Variants in DPYD observed in about 807,000 individuals in gnomAD.
DPYD encodes the protein dihydropyrimidine dehydrogenase [NADP(+)].
A neutral mutation model predicts 116.2 loss-of-function variants in DPYD; 109 were observed. The ratio of observed to expected loss-of-function variants is 0.94; its 90% CI spans 0.80 to 1.10. DPYD has a LOEUF of 1.10. Among genes scored for constraint, DPYD ranks in the 50% least tolerant of loss-of-function variants. The pLI, the probability that DPYD is intolerant of heterozygous loss-of-function variation, is 0.00. For synonymous variants in DPYD, 440 were observed against 432.0 expected, an observed-to-expected ratio of 1.02 and a Z score of -0.23; for missense variants, 1,302 against 1,254.5, an observed-to-expected ratio of 1.04 and a Z score of -0.57.
intron 8 of DPYD, among the ~76,000 whole-genome samples, chr1:97,670,843 A>C (rs912835670): frequency 6.6e-6 from 1 of 152,182 alleles, no homozygotes; most frequent in Non-Finnish European, 1.5e-5. Flanking sequence ...GGAAACTACT[A>C]AAAGAAAATT....
At chr1:97,345,771 CAT>C (rs1348549728) in intron 16 of DPYD, among the ~76,000 whole-genome samples, 1 of 151,868 alleles carries the variant, frequency 6.6e-6, no homozygotes, top group Non-Finnish European at 1.5e-5. Flanking sequence ...TATATGATAA[CAT>C]ATAGTATGCA....
At chr1:97,531,083 T>G (rs1042717546) in intron 12 of DPYD, among the ~76,000 whole-genome samples, 14 of 152,242 alleles carry the variant, frequency 9.2e-5, no homozygotes, top group African/African-American at 3.4e-4. Flanking sequence ...CTCTGTTGAT[T>G]GTTTCCTTAG....
chr1:97,731,401 T>A (rs1663604962), intron 4 of DPYD, among the ~76,000 whole-genome samples: 1 of 152,110 alleles, frequency 6.6e-6, no homozygotes, highest in South Asian at 2.1e-4. Context: ...ATTTTAATTT[T>A]TCAAAGTAGT....
intron 20 of DPYD, among the ~76,000 whole-genome samples, chr1:97,124,823 T>G (rs1052184964): frequency 6.6e-6 from 1 of 152,172 alleles, no homozygotes; most frequent in African/African-American, 2.4e-5. Flanking sequence ...CTTTGCTTTA[T>G]GAATTTAAGA....
At chr1:97,163,591 G>T (rs12066847) in intron 20 of DPYD, among the ~76,000 whole-genome samples, 2,736 of 152,214 alleles carry the variant, frequency 0.018, 74 homozygotes, top group African/African-American at 0.059. Context: ...TTTGGTATTG[G>T]GAGTTTGGTT....
At chr1:97,821,608 C>T (rs759051296) in intron 3 of DPYD, among the ~76,000 whole-genome samples, 1 of 151,980 alleles carries the variant, frequency 6.6e-6, no homozygotes, top group Non-Finnish European at 1.5e-5. Flanking sequence ...AATGCTTTTT[C>T]TTTGATTATC....
At chr1:97,570,263 A>G (rs1652803346) in intron 11 of DPYD, among the ~76,000 whole-genome samples, 1 of 152,000 alleles carries the variant, frequency 6.6e-6, no homozygotes, top group Non-Finnish European at 1.5e-5. Context: ...TTGAGATTTT[A>G]AAAGTATTTT....
At chr1:97,287,087 T>C (rs759953028) in intron 18 of DPYD, among the ~76,000 whole-genome samples, 4 of 152,160 alleles carry the variant, frequency 2.6e-5, no homozygotes, top group Non-Finnish European at 4.4e-5. Flanking sequence ...ATGATGGTGA[T>C]GTACAGATGG....
intron 4 of DPYD, among the ~76,000 whole-genome samples, chr1:97,722,736 A>G (rs1329774458): frequency 6.6e-6 from 1 of 151,620 alleles, no homozygotes; most frequent in Non-Finnish European, 1.5e-5. Flanking sequence ...GATAACAAAA[A>G]GGAACAATGA....
chr1:97,352,467 A>T (rs1445648311), intron 16 of DPYD, among the ~76,000 whole-genome samples: 2 of 152,122 alleles, frequency 1.3e-5, no homozygotes, highest in Non-Finnish European at 2.9e-5. Context: ...GAATGAGCAG[A>T]CAGCTGGATT....
chr1:97,593,405 A>G lies in DPYD; in HGVS notation c.959-18T>C, dbSNP rs1346756844. ...GCACATTCCTGAATGATGAAAGGAA[A>G]ACCCCATTTTCAAGTAGAGAAACCA... On this transcript the variant is annotated intron_variant, in intron 9 of 22. Transcript: ENST00000370192. 1.2e-6 allele frequency: 2 copies of G among 1,613,760 alleles called. No homozygotes were observed. Among genetic ancestry groups the G allele is most frequent in the South Asian group, 2.2e-5 (2 of 91,080 alleles).
At chr1:97,263,755 T>C (rs1664038997) in intron 18 of DPYD, among the ~76,000 whole-genome samples, 2 of 152,134 alleles carry the variant, frequency 1.3e-5, no homozygotes, top group Admixed American at 6.6e-5. Flanking sequence ...TATCAATTAA[T>C]TGGACATCTA....
intron 6 of DPYD, among the ~76,000 whole-genome samples, chr1:97,696,148 A>C (rs1227741286): frequency 6.7e-6 from 1 of 149,384 alleles, no homozygotes; most frequent in South Asian, 2.1e-4. Context: ...GAAAGAAAAA[A>C]GAAAAGAAAA....
chr1:97,260,241 G>T (rs1054262589), intron 18 of DPYD, among the ~76,000 whole-genome samples: 4 of 152,068 alleles, frequency 2.6e-5, no homozygotes, highest in African/African-American at 9.7e-5. Flanking sequence ...TGGATGACAG[G>T]TGTGAAGACT....
At chr1:97,866,832 A>C in intron 2 of DPYD, among the ~76,000 whole-genome samples, 1 of 151,840 alleles carries the variant, frequency 6.6e-6, no homozygotes, top group African/African-American at 2.4e-5. Flanking sequence ...CATAAAGAAA[A>C]GGTAGTGCAA....
intron 3 of DPYD, among the ~76,000 whole-genome samples, chr1:97,774,015 C>T (rs1033005037): frequency 6.6e-6 from 1 of 152,196 alleles, no homozygotes; most frequent in Non-Finnish European, 1.5e-5. Flanking sequence ...CTGTAACACA[C>T]GTTCACTGGA....
At chr1:97,552,698 T>G (rs1471904767) in intron 11 of DPYD, among the ~76,000 whole-genome samples, 1 of 152,094 alleles carries the variant, frequency 6.6e-6, no homozygotes, top group Non-Finnish European at 1.5e-5. Context: ...ATTTGTAATA[T>G]CCAGCTAACC....
At chr1:97,358,367 G>T (rs1213567998) in intron 16 of DPYD, among the ~76,000 whole-genome samples, 1 of 152,224 alleles carries the variant, frequency 6.6e-6, no homozygotes, top group African/African-American at 2.4e-5. Context: ...TCCACCTCTG[G>T]GGGCAGGGCA....
intron 19 of DPYD, among the ~76,000 whole-genome samples, chr1:97,216,023 CTGA>C (rs902782391): frequency 6.6e-6 from 1 of 152,186 alleles, no homozygotes; most frequent in Non-Finnish European, 1.5e-5. Flanking sequence ...CTAGAGGCTA[CTGA>C]TAAGTGATTT....
Sources: gnomAD v4.1 joint callset for allele counts (sites outside exome capture counted in the v4.1 genomes callset) on GRCh38, gnomAD v4.1.1 for gene constraint, MANE v1.5 for transcripts, NCBI Gene and HGNC (gene_info 2026-07-23, HGNC 2026-07-21) for gene names.